Variants in CBLB observed in about 807,000 individuals in gnomAD.
CBLB encodes the protein Cbl proto-oncogene B.
In CBLB, 31 loss-of-function variants were observed where a neutral mutation model predicts 104.9. The ratio of observed to expected loss-of-function variants is 0.30; its 90% confidence interval spans 0.22 to 0.40. CBLB has a LOEUF of 0.40. CBLB is among the 10% of genes least tolerant of loss of function. The pLI is 1.00. For missense variants in CBLB, 1,062 were observed against 1,214.6 expected (o/e 0.87, Z 1.87); for synonymous variants, 440 against 422.6 (o/e 1.04, Z -0.51).
At chr3:105,764,654 T>C (rs1255630294) in intron 4 of CBLB, among the ~76,000 whole-genome samples, 1 of 152,100 alleles carries the variant, frequency 6.6e-6, no homozygotes, top group Non-Finnish European at 1.5e-5. Flanking sequence ...AAAGGAATAG[T>C]CACAAGTCTC....
chr3:105,670,186 A>G, intron 18 of CBLB, 47 bp downstream of exon 18: 3 of 1,558,536 alleles, frequency 1.9e-6, no homozygotes, highest in Non-Finnish European at 2.7e-6. Context: ...AGCAAAAAGC[A>G]CTATATAACA....
At position 105,867,573 on chromosome 3, in the gene CBLB, G is replaced by A; in HGVS notation, c.5C>T (p.Ala2Val). Residue 2 changes from alanine (A) to valine (V), a missense_variant, in exon 2 of 19, where the codon GCA becomes GTA. Transcript: ENST00000394030. ...AGGGTTTCTGCCATTCATTGAGTTT[G>A]CCATCTGGAATTTTAGTTCTTTAAA... M[A>V]NSMNGRNPGG... 1 of 1,614,048 alleles carries A rather than the reference G, an allele frequency of 6.2e-7. No individual in the cohort carries two copies. The highest frequency in any genetic ancestry group is 8.5e-7 in the Non-Finnish European group (1 of 1,179,980).
intron 3 of CBLB, among the ~76,000 whole-genome samples, chr3:105,778,584 CA>C (rs2079768466): frequency 6.6e-6 from 1 of 152,006 alleles, no homozygotes; most frequent in African/African-American, 2.4e-5. Flanking sequence ...CACCTATTTC[CA>C]TAACTTATCT....
At chr3:105,737,641 G>T (rs1008374166) in intron 7 of CBLB, among the ~76,000 whole-genome samples, 1 of 152,016 alleles carries the variant, frequency 6.6e-6, no homozygotes, top group Non-Finnish European at 1.5e-5. Flanking sequence ...GGTAATAATG[G>T]TATCATTTTA....
intron 3 of CBLB, among the ~76,000 whole-genome samples, chr3:105,834,319 G>A (rs1487356946): frequency 6.6e-6 from 1 of 152,148 alleles, no homozygotes; most frequent in Non-Finnish European, 1.5e-5. Flanking sequence ...TACATATACA[G>A]AAACATCATG....
chr3:105,747,332 T>C (rs946486318), intron 5 of CBLB, among the ~76,000 whole-genome samples: 4 of 152,218 alleles, frequency 2.6e-5, no homozygotes, highest in African/African-American at 9.6e-5. Context: ...TGATTACTGG[T>C]AGAAAGTTCC....
At chr3:105,667,686 GA>G (rs1265812832) in intron 18 of CBLB, among the ~76,000 whole-genome samples, 3 of 152,030 alleles carry the variant, frequency 2.0e-5, no homozygotes. Flanking sequence ...TTTTAGATAA[GA>G]AAACAAGGGA....
intron 12 of CBLB, among the ~76,000 whole-genome samples, chr3:105,698,799 C>T (rs553336858): frequency 7.9e-5 from 12 of 151,978 alleles, no homozygotes; most frequent in Admixed American, 7.9e-4. Context: ...AAATCTTAGT[C>T]TTTTTAAAAA....
chr3:105,736,790 G>A (rs1211112051), intron 8 of CBLB, among the ~76,000 whole-genome samples: 1 of 152,010 alleles, frequency 6.6e-6, no homozygotes, highest in Non-Finnish European at 1.5e-5. Flanking sequence ...AATGGATTTA[G>A]AAAAACATAA....
intron 3 of CBLB, among the ~76,000 whole-genome samples, chr3:105,796,895 G>C (rs2082309910): frequency 6.6e-6 from 1 of 152,170 alleles, no homozygotes; most frequent in Non-Finnish European, 1.5e-5. Context: ...ACAGCACTCA[G>C]AATGGCTATT....
intron 13 of CBLB, among the ~76,000 whole-genome samples, chr3:105,690,992 A>G (rs1358635682): frequency 6.6e-6 from 1 of 152,240 alleles, no homozygotes; most frequent in Non-Finnish European, 1.5e-5. Flanking sequence ...AGGAGGGCAT[A>G]AAATTATCTC....
intron 13 of CBLB, among the ~76,000 whole-genome samples, chr3:105,686,401 T>C (rs567721856): frequency 8.7e-4 from 132 of 151,954 alleles, no homozygotes; most frequent in Non-Finnish European, 1.6e-3. Context: ...CAAATCTTTT[T>C]GTTAATCATC....
intron 12 of CBLB, among the ~76,000 whole-genome samples, chr3:105,697,493 T>C (rs965626017): frequency 2.0e-5 from 3 of 152,062 alleles, no homozygotes; most frequent in Non-Finnish European, 2.9e-5. Context: ...ATCCTACACA[T>C]GTAAACCCCT....
At chr3:105,752,152 T>C (rs1380259837) in intron 4 of CBLB, among the ~76,000 whole-genome samples, 1 of 152,246 alleles carries the variant, frequency 6.6e-6, no homozygotes, top group Non-Finnish European at 1.5e-5. Flanking sequence ...ACATACGTTA[T>C]CTAACTTTTC....
intron 3 of CBLB, among the ~76,000 whole-genome samples, chr3:105,808,974 CA>C (rs1306503053): frequency 6.6e-6 from 1 of 152,152 alleles, no homozygotes; most frequent in Non-Finnish European, 1.5e-5. Flanking sequence ...GTCAGCTGCT[CA>C]AAAGACAAAA....
rs34208930 is a variant in CBLB at position 105,702,476 on chromosome 3, GAAAAAAAAAAAAA to G, written c.1594-30_1594-18del. The G allele has an allele frequency of 5.0e-5, 14 of 279,636 alleles. No homozygotes were observed. The South Asian group carries it at 5.4e-4, about 11-fold the overall frequency. The allele number at this position is 279,636 out of a possible 1,614,324, so 17.3% of individuals were successfully genotyped here. ...AGGAGAAGACTAAAGAAACAGAAGA[GAAAAAAAAAAAAA>G]AAAAAAAAAACTAAAGGTTGTACCA... On this transcript the variant is annotated intron_variant, in intron 11 of 18. Transcript: ENST00000394030.
chr3:105,724,660 T>C (rs566076835), intron 9 of CBLB, among the ~76,000 whole-genome samples: 1 of 152,290 alleles, frequency 6.6e-6, no homozygotes, highest in South Asian at 2.1e-4. Context: ...CGTATCTCTA[T>C]ACGAATTCCA....
At chr3:105,734,186 G>C in intron 8 of CBLB, 46 bp from the exon 9 acceptor site, 1 of 1,600,862 alleles carries the variant, frequency 6.2e-7, no homozygotes, top group Non-Finnish European at 8.6e-7. Flanking sequence ...TGTATTTCCA[G>C]CACAAATTGT....
chr3:105,867,987 C>T (rs750831354), intron 1 of CBLB, among the ~76,000 whole-genome samples: 8 of 152,034 alleles, frequency 5.3e-5, no homozygotes, highest in Admixed American at 1.3e-4. Flanking sequence ...ACCAGAACAA[C>T]TGAAGGTCCT....
Sources: gnomAD v4.1 joint callset for allele counts (sites outside exome capture counted in the v4.1 genomes callset) on GRCh38, gnomAD v4.1.1 for gene constraint, MANE v1.5 for transcripts, NCBI Gene and HGNC (gene_info 2026-07-23, HGNC 2026-07-21) for gene names.